The following RMDN2 variants were observed in gnomAD, a reference collection of about 807,000 sequenced individuals.
The protein encoded by RMDN2 is regulator of microtubule dynamics protein 2.
RMDN2 carries 61 observed loss-of-function variants against 52.8 expected under a neutral mutation model. The observed-to-expected ratio is 1.16, with a 90% CI of 0.94 to 1.43. The LOEUF (loss-of-function observed/expected upper bound fraction) is 1.43, where lower values mean the gene tolerates loss of function less well. Ranked by LOEUF, RMDN2 falls within the 40% of genes most tolerant of loss-of-function variation. The pLI, the probability that RMDN2 is intolerant of heterozygous loss-of-function variation, is 0.00. For synonymous variants in RMDN2, 180 were observed against 153.1 expected, an observed-to-expected ratio of 1.18 and a Z score of -1.30; for missense variants, 592 against 475.3, an observed-to-expected ratio of 1.25 and a Z score of -2.28.
intron 5 of RMDN2, among the ~76,000 whole-genome samples, chr2:37,987,627 T>C (rs919762430): frequency 1.2e-4 from 19 of 152,246 alleles, no homozygotes; most frequent in Non-Finnish European, 2.5e-4. Flanking sequence ...CATGTCATTA[T>C]ACATTTGTCA....
intron 10 of RMDN2, among the ~76,000 whole-genome samples, chr2:38,033,886 A>G (rs1213374113): frequency 6.6e-6 from 1 of 152,222 alleles, no homozygotes; most frequent in Non-Finnish European, 1.5e-5. Flanking sequence ...TACGGAATAT[A>G]TCAGCATATT....
chr2:37,974,806 T>C (rs1027234644), intron 3 of RMDN2: 3 of 171,448 alleles, frequency 1.7e-5, no homozygotes, highest in Non-Finnish European at 3.7e-5. Context: ...AAAAAGTGAC[T>C]GCTCTTTTGA....
Position 37,929,320 on chromosome 2 carries a change from G to T in RMDN2, c.43G>T (p.Val15Leu), listed in dbSNP as rs1326684557. 3.2e-6 allele frequency: 5 copies of T among 1,550,468 alleles called. No individual in the cohort carries two copies. Among genetic ancestry groups the T allele is most frequent in the Non-Finnish European group, 4.4e-6 (5 of 1,146,312 alleles). Reference protein sequence around the residue: ...TNKELILGIMVGTAGISLLLL... With the variant: ...TNKELILGIMLGTAGISLLLL... ...CAAAGAGTTGATACTTGGCATCATGGTGGGCACTGCTGGAATCAGCTTGCT... is the reference window on the plus strand; with the variant it reads ...CAAAGAGTTGATACTTGGCATCATGTTGGGCACTGCTGGAATCAGCTTGCT... Residue 15 changes from valine (V) to leucine (L), a missense_variant, in exon 2 of 11, where the codon GTG (valine) becomes TTG (leucine). By Grantham distance (32) the Val-to-Leu change is conservative (BLOSUM62 1). Transcript: ENST00000354545.
chr2:37,958,573 A>G (rs1275155633), intron 2 of RMDN2, among the ~76,000 whole-genome samples: 2 of 150,876 alleles, frequency 1.3e-5, no homozygotes, highest in Non-Finnish European at 2.9e-5. Context: ...TACAATTATG[A>G]TATCCGCAAA....
intron 2 of RMDN2, among the ~76,000 whole-genome samples, chr2:37,963,875 C>G (rs1670634246): frequency 1.3e-5 from 2 of 151,466 alleles, no homozygotes; most frequent in South Asian, 4.2e-4. Context: ...GGGCTCCTCA[C>G]TTCCCAGCAG....
Position 38,012,854 on chromosome 2 carries a change from G to A in RMDN2, c.1180-4332G>A, listed in dbSNP as rs114654081. On this transcript the variant is annotated intron_variant, in intron 10 of 10. Transcript: ENST00000354545. ...AACCTAGCCATCAGTTTACTCTCTC[G>A]TGTGACATTTCATAAGATGTTTGTT... 4.9e-3 allele frequency among the ~76,000 whole-genome samples: 750 copies of A among 152,254 alleles called. 1 individual carries two copies. The highest frequency in any genetic ancestry group is 7.0e-3 in the Non-Finnish European group (475 of 68,024).
chr2:38,004,108 T>C, intron 9 of RMDN2, 28 bp from the exon 10 acceptor site: 1 of 1,608,828 alleles, frequency 6.2e-7, no homozygotes, highest in Non-Finnish European at 8.5e-7. Flanking sequence ...ACGGATTATG[T>C]TTAATATTGG....
chr2:37,951,265 G>A (rs1161999540), intron 2 of RMDN2: 4 of 1,601,200 alleles, frequency 2.5e-6, no homozygotes, highest in Admixed American at 1.8e-5. Context: ...TTCCAACGAT[G>A]TTCTCCAGAA....
chr2:38,057,222 A>C (rs1681883940), intron 10 of RMDN2, among the ~76,000 whole-genome samples: 2 of 152,232 alleles, frequency 1.3e-5, no homozygotes, highest in Admixed American at 6.5e-5. Flanking sequence ...GCCAGGTAGT[A>C]AATATTTCAG....
chr2:37,934,550 T>G (rs1335763277), intron 2 of RMDN2, among the ~76,000 whole-genome samples: 1 of 152,012 alleles, frequency 6.6e-6, no homozygotes, highest in African/African-American at 2.4e-5. Context: ...TTATATTTTA[T>G]TTTTTATTTT....
At chr2:37,976,014 A>T (rs944030430) in intron 4 of RMDN2, among the ~76,000 whole-genome samples, 4 of 152,256 alleles carry the variant, frequency 2.6e-5, no homozygotes, top group Non-Finnish European at 5.9e-5. Flanking sequence ...CCACAGTTAA[A>T]GTAACACATC....
At chr2:38,009,090 G>T (rs1677551832) in intron 10 of RMDN2, among the ~76,000 whole-genome samples, 1 of 152,194 alleles carries the variant, frequency 6.6e-6, no homozygotes, top group African/African-American at 2.4e-5. Context: ...AGTCTGATGG[G>T]CTTCCCTTTA....
chr2:37,991,940 G>A (rs754817904), intron 7 of RMDN2, among the ~76,000 whole-genome samples: 38 of 152,170 alleles, frequency 2.5e-4, no homozygotes, highest in Non-Finnish European at 2.9e-5. Flanking sequence ...AAAAATTATC[G>A]TGAAAGGACA....
At chr2:37,988,696 C>G (rs1674365986) in intron 5 of RMDN2, among the ~76,000 whole-genome samples, 1 of 152,064 alleles carries the variant, frequency 6.6e-6, no homozygotes, top group Non-Finnish European at 1.5e-5. Context: ...AAATTAACAC[C>G]TACTCGAAAT....
At chr2:38,020,832 C>T (rs1271517135), downstream of RMDN2, among the ~76,000 whole-genome samples, 5 of 152,092 alleles carry the variant, frequency 3.3e-5, no homozygotes, top group South Asian at 4.1e-4. Context: ...GCCTCCCCCA[C>T]GAGCGCCACC....
chr2:38,055,125 G>T (rs1558592334), intron 10 of RMDN2, among the ~76,000 whole-genome samples: 1 of 151,960 alleles, frequency 6.6e-6, no homozygotes, highest in African/African-American at 2.4e-5. Context: ...CCTCAGTGAG[G>T]CCAGGACCAG....
chr2:37,965,365 T>C (rs1311282164), intron 2 of RMDN2, among the ~76,000 whole-genome samples: 1 of 151,566 alleles, frequency 6.6e-6, no homozygotes, highest in African/African-American at 2.4e-5. Context: ...AGTGATATGT[T>C]TTGATTTCCT....
downstream of RMDN2, among the ~76,000 whole-genome samples, chr2:38,018,721 A>G (rs1679106023): frequency 6.6e-6 from 1 of 152,156 alleles, no homozygotes; most frequent in South Asian, 2.1e-4. Context: ...TATTTTTCCT[A>G]TATTTCCCAG....
At position 38,004,011 on chromosome 2, in the gene RMDN2, T is replaced by C. The variant is rs921730084; in HGVS notation, c.1065T>C (p.Gly355=). ...NFLKAEELCP[G]YSNPNYMYLA... is the part of the protein sequence containing the mutation. ...ATCAGGCTGAAGAACTATGCCCTGGTTATTCTAATCCCAATTACATGTACT... is the reference window on the plus strand; with the variant it reads ...ATCAGGCTGAAGAACTATGCCCTGGCTATTCTAATCCCAATTACATGTACT... The change falls in exon 9 of 11, where the codon GGT becomes GGC. Residue 355 remains glycine (G), a synonymous_variant. Coordinates refer to ENST00000354545, the MANE Select transcript of RMDN2 (RefSeq NM_001170791.3). 9.9e-6 allele frequency: 16 copies of C among 1,613,146 alleles called. No homozygotes were observed. Among genetic ancestry groups the C allele is most frequent in the Non-Finnish European group, 1.4e-5 (16 of 1,179,366 alleles).
Sources: allele counts gnomAD v4.1 joint callset (sites outside exome capture counted in the v4.1 genomes callset), GRCh38; gene constraint gnomAD v4.1.1; transcripts MANE v1.5; gene names NCBI Gene and HGNC (gene_info 2026-07-23, HGNC 2026-07-21).